Variants in MICAL2 observed in about 807,000 individuals in gnomAD.
MICAL2 encodes the protein microtubule associated monooxygenase, calponin and LIM domain containing 2.
Under a neutral mutation model 127.3 loss-of-function variants are expected in MICAL2, and 77 were observed. The observed-to-expected ratio is 0.60, with a 90% confidence interval of 0.50 to 0.73. The LOEUF (loss-of-function observed/expected upper bound fraction) is 0.73. Ranked by LOEUF, MICAL2 falls within the 30% of genes least tolerant of loss-of-function variation. The pLI, the probability that MICAL2 is intolerant of heterozygous loss-of-function variation, is 0.00. For synonymous variants in MICAL2, 570 were observed against 551.1 expected, an observed-to-expected ratio of 1.03 and a Z score of -0.48; for missense variants, 1,351 against 1,434.4, an observed-to-expected ratio of 0.94 and a Z score of 0.94.
At chr11:12,251,568 A>G (rs1395801707) in intron 22 of MICAL2, among the ~76,000 whole-genome samples, 16 of 117,360 alleles carry the variant, frequency 1.4e-4, no homozygotes, top group Non-Finnish European at 1.8e-4. Flanking sequence ...GGGTGCTTCC[A>G]TTTCACTTTA....
At chr11:12,241,920 G>GA (rs1860020938) in intron 18 of MICAL2, among the ~76,000 whole-genome samples, 2 of 151,164 alleles carry the variant, frequency 1.3e-5, no homozygotes, top group Non-Finnish European at 3.0e-5. Context: ...AGGCTTGGGT[G>GA]TTTTTTTTTA....
At chr11:12,176,438 C>A (rs868764656) in intron 3 of MICAL2, among the ~76,000 whole-genome samples, 1 of 152,104 alleles carries the variant, frequency 6.6e-6, no homozygotes, top group African/African-American at 2.4e-5. Flanking sequence ...AACCGTTAAT[C>A]GCCTCCTTCT....
At chr11:12,254,887 AT>A (rs1489888489) in intron 22 of MICAL2, 1 of 138,580 alleles carries the variant, frequency 7.2e-6, no homozygotes, top group Non-Finnish European at 1.6e-5. Flanking sequence ...TAAAACATAC[AT>A]GACGTAAAAT....
chr11:12,336,407 AT>A (rs1938761426), intron 32 of MICAL2, among the ~76,000 whole-genome samples: 1 of 152,196 alleles, frequency 6.6e-6, no homozygotes, highest in African/African-American at 2.4e-5. Context: ...AAACAGGGAA[AT>A]TTGACTTCCT....
Position 12,179,207 on chromosome 11 carries a change from C to G in MICAL2, c.264+16788C>G, listed in dbSNP as rs551240164. Among the ~76,000 whole-genome samples the G allele has an allele frequency of 3.5e-4, 54 of 152,328 alleles. No homozygotes were observed. The Middle Eastern group carries it at 0.01, about 29-fold the overall frequency. ...CCTCACCAACCTGTTTCCCACAACT[C>G]CCTTCTCACAGGCCGCCTTCTTGGC... On this transcript the variant is annotated intron_variant, in intron 3 of 27. Coordinates refer to ENST00000683283, the MANE Select transcript of MICAL2 (RefSeq NM_001282663.2).
At chr11:12,204,591 A>G in intron 4 of MICAL2, 134 bp downstream of exon 4, 1 of 845,586 alleles carries the variant, frequency 1.2e-6, no homozygotes, top group Non-Finnish European at 1.8e-6. Flanking sequence ...ACTAACAGAC[A>G]ACTAGTAAAA....
intron 25 of MICAL2, among the ~76,000 whole-genome samples, chr11:12,259,386 C>T (rs1862789463): frequency 6.6e-6 from 1 of 152,122 alleles, no homozygotes; most frequent in African/African-American, 2.4e-5. Context: ...TTTTTAATGC[C>T]TTTGGAAGAT....
chr11:12,263,139 T>C (rs1863353277), intron 27 of MICAL2: 1 of 152,590 alleles, frequency 6.6e-6, no homozygotes, highest in African/African-American at 2.4e-5. Context: ...GCCTGCACTG[T>C]AGACCCAAGG....
rs575198659 is a variant in MICAL2, at chr11:12,195,269, A to C, written c.265-8981A>C. On this transcript the variant is annotated intron_variant, in intron 3 of 27. Transcript: ENST00000683283. The stretch of plus-strand genomic sequence containing the variant: ...AAGACCCTGTCTCTAAAAACCAAAC[A>C]AAACCAAAACAAAACCTTGAGCAAA... 2.0e-5 allele frequency among the ~76,000 whole-genome samples: 3 copies of C among 151,478 alleles called. No homozygotes were observed. In the East Asian group the frequency reaches 5.8e-4, roughly 29 times the overall value.
chr11:12,125,102 A>G (rs1372678783), intron 1 of MICAL2, among the ~76,000 whole-genome samples: 1 of 152,138 alleles, frequency 6.6e-6, no homozygotes, highest in Non-Finnish European at 1.5e-5. Context: ...TCTCAGCCCC[A>G]CCCGCCAGAG....
Position 12,226,348 on chromosome 11 carries a change from G to T in MICAL2, c.1866G>T (p.Arg622=). The part of the protein sequence containing the change: ...MYLSKFYELF[R]GTPLRPVDSW... ...TCTCCAAGTTCTACGAGCTCTTCCG[G>T]GGCACCCCACTGAGGCCCGTGGGTA... The change falls in exon 14 of 28, where the codon CGG becomes CGT. Residue 622 remains arginine, a synonymous_variant. Coordinates refer to ENST00000683283, the MANE Select transcript of MICAL2 (RefSeq NM_001282663.2). The T allele has an allele frequency of 2.5e-6, 4 of 1,614,014 alleles. No individual in the cohort carries two copies. The South Asian group carries it at 4.4e-5, about 18-fold the overall frequency.
At chr11:12,270,555 G>C (rs1299722342) in intron 24 of MICAL2, among the ~76,000 whole-genome samples, 1 of 152,084 alleles carries the variant, frequency 6.6e-6, no homozygotes, top group South Asian at 2.1e-4. Flanking sequence ...CTCCTCTCTG[G>C]GTTGCTTCAT....
chr11:12,142,950 A>C (rs1852495220), intron 2 of MICAL2, among the ~76,000 whole-genome samples: 1 of 150,992 alleles, frequency 6.6e-6, no homozygotes, highest in Non-Finnish European at 1.5e-5. Context: ...TTATCATGGG[A>C]CTTCCAAATG....
chr11:12,293,917 G>A (rs1202817854), downstream of MICAL2: 1 of 1,612,674 alleles, frequency 6.2e-7, no homozygotes, highest in Admixed American at 1.7e-5. Context: ...CTGGAGCCAG[G>A]AAGGAAGAAG....
chr11:12,273,070 A>C (rs2134753654), upstream of MICAL2, among the ~76,000 whole-genome samples: 1 of 152,112 alleles, frequency 6.6e-6, no homozygotes, highest in South Asian at 2.1e-4. Flanking sequence ...TCCAGCCAAA[A>C]CTCCCAGCAC....
At chr11:12,301,154 A>G (rs1321169181) in intron 29 of MICAL2, among the ~76,000 whole-genome samples, 1 of 152,206 alleles carries the variant, frequency 6.6e-6, no homozygotes, top group African/African-American at 2.4e-5. Context: ...CTTTTTCACT[A>G]TCACGAGACT....
At chr11:12,294,796 A>G (rs1179420487), downstream of MICAL2, 1 of 1,440,460 alleles carries the variant, frequency 6.9e-7, no homozygotes, top group South Asian at 1.2e-5. Flanking sequence ...TGCGCCAGGC[A>G]GCTCCTCCTC....
intron 16 of MICAL2, among the ~76,000 whole-genome samples, chr11:12,239,045 T>C (rs920887862): frequency 6.6e-6 from 1 of 152,226 alleles, no homozygotes; most frequent in South Asian, 2.1e-4. Context: ...AGATGATGTA[T>C]TTTTGAAAAC....
intron 4 of MICAL2, 108 bp downstream of exon 4, chr11:12,204,565 G>C: frequency 9.0e-7 from 1 of 1,109,372 alleles, no homozygotes. Flanking sequence ...TAGTCCCTGG[G>C]GGCACCATAT....
Sources: allele counts gnomAD v4.1 joint callset (sites outside exome capture counted in the v4.1 genomes callset), GRCh38; gene constraint gnomAD v4.1.1; transcripts MANE v1.5; gene names NCBI Gene and HGNC (gene_info 2026-07-23, HGNC 2026-07-21).